The following SCN2A variants were observed in gnomAD, a reference collection of about 807,000 sequenced individuals.
The protein encoded by SCN2A is sodium channel protein type 2 subunit alpha.
A neutral mutation model predicts 188.7 loss-of-function variants in SCN2A; 20 were observed. The ratio of observed to expected loss-of-function variants is 0.11; its 90% CI spans 0.07 to 0.15. The LOEUF is 0.15. Ranked by LOEUF, SCN2A falls within the 10% of genes least tolerant of loss-of-function variation. The probability of loss-of-function intolerance (pLI) is 1.00; values close to 1 mark genes in which losing one functional copy is unlikely to be tolerated. For synonymous variants in SCN2A, 804 were observed against 833.1 expected (o/e 0.97, Z 0.60); for missense variants, 1,278 against 2,445.0 (o/e 0.52, Z 10.07).
At chr2:165,269,085 T>C (rs1694997411) in intron 1 of SCN2A, 1 of 152,004 alleles carries the variant, frequency 6.6e-6, no homozygotes, top group South Asian at 2.1e-4. Flanking sequence ...TATTGTACTA[T>C]GTAATGACTG....
At chr2:165,252,931 C>G (rs919606685) in intron 1 of SCN2A, among the ~76,000 whole-genome samples, 1 of 151,908 alleles carries the variant, frequency 6.6e-6, no homozygotes, top group Admixed American at 6.6e-5. Context: ...AAAATCTTAA[C>G]CAAAATTTGG....
intron 16 of SCN2A, among the ~76,000 whole-genome samples, chr2:165,351,185 C>A (rs1673674824): frequency 6.6e-6 from 1 of 152,118 alleles, no homozygotes. Flanking sequence ...TCCTCTATGT[C>A]AAGTAATCTA....
rs773202451 is a variant in SCN2A, at chr2:165,367,226, G to A, written c.3530G>A (p.Arg1177Gln). The A allele has an allele frequency of 7.4e-6, 12 of 1,613,822 alleles. No individual in the cohort carries two copies. Among genetic ancestry groups the A allele is most frequent in the Admixed American group, 1.7e-5 (1 of 59,992 alleles). Residue 1177 changes from arginine to glutamine, a missense_variant, in exon 19 of 27, where the codon CGG (arginine) becomes CAG (glutamine). Physicochemically the swap from Arg to Gln is conservative, Grantham distance 43 (BLOSUM62 1). Coordinates refer to ENST00000375437, the MANE Select transcript of SCN2A (RefSeq NM_001040142.2). ...TTCCCACATATTTTAGACTGTGTAC[G>A]GAAGTTCAAGTGTTGTCAGATAAGC... is the stretch of plus-strand genomic sequence containing the variant. The part of the protein sequence containing the change: ...PEACFTEDCV[R>Q]KFKCCQISIE...
intron 10 of SCN2A, among the ~76,000 whole-genome samples, 188 bp downstream of exon 10, chr2:165,314,296 T>G (rs1424189433): frequency 2.0e-5 from 3 of 152,188 alleles, no homozygotes; most frequent in African/African-American, 7.2e-5. Context: ...GTGTCAATAG[T>G]AATGGCATCA....
chr2:165,323,651 C>A, intron 12 of SCN2A, 151 bp downstream of exon 12: 1 of 731,736 alleles, frequency 1.4e-6, no homozygotes, highest in Non-Finnish European at 2.3e-6. Flanking sequence ...TCTTGTGAAA[C>A]TGTTCTATTC....
chr2:165,372,891 A>G lies in SCN2A; in HGVS notation c.3850-334A>G. The stretch of plus-strand genomic sequence containing the variant: ...TTACAGATCTGTAGAGGAAGATCAC[A>G]TTTCTCTCTCTTTTTTTTCTTTACT... On this transcript the variant is annotated intron_variant, in intron 20 of 26. Transcript: ENST00000375437. 7 of 267,204 alleles carry G rather than the reference A, an allele frequency of 2.6e-5. No homozygotes were observed. The South Asian group carries it at 3.1e-4, about 12-fold the overall frequency. 16.6% of individuals were successfully genotyped at this position (267,204 alleles called of 1,614,324 possible).
In SCN2A at chr2:165,323,551, A is replaced by G. The variant is rs138948205; in HGVS notation, c.2016+51A>G. On this transcript the variant is annotated intron_variant, in intron 12 of 26. Coordinates refer to ENST00000375437, the MANE Select transcript of SCN2A (RefSeq NM_001040142.2). ...ATGTGAAGAGAGTTGTGACTGGTGC[A>G]GGCAGGAGTGTTTTTCCATTTCCAC... 3.3e-6 allele frequency: 5 copies of G among 1,500,424 alleles called. No homozygotes were observed. In the Admixed American group the frequency reaches 7.6e-5, roughly 23 times the overall value. The allele number at this position is 1,500,424 out of a possible 1,614,324, so 92.9% of individuals were successfully genotyped here.
chr2:165,354,585 G>A lies in SCN2A; in HGVS notation c.3313G>A (p.Val1105Ile). The A allele has an allele frequency of 6.2e-7, 1 of 1,614,026 alleles. No individual in the cohort carries two copies. The highest frequency in any genetic ancestry group is 1.1e-5 in the South Asian group (1 of 91,074). Residue 1105 changes from valine (V) to isoleucine (I), a missense_variant, in exon 17 of 27, where the codon GTA becomes ATA. Val to Ile is a conservative substitution (Grantham distance 29). Around this residue, in one of 17 missense-constraint regions of SCN2A, gnomAD observed 228 missense variants for 297.3 expected, o/e 0.77. Transcript: ENST00000375437. ...AAACAACCCTAGCCTCACTGTGACA[G>A]TACCAATTGCTGTTGGAGAATCTGA... Reference protein sequence around the residue: ...FINNPSLTVTVPIAVGESDFE... With the variant: ...FINNPSLTVTIPIAVGESDFE...
At chr2:165,309,803 A>G (rs535961073) in intron 6 of SCN2A, among the ~76,000 whole-genome samples, 1 of 152,286 alleles carries the variant, frequency 6.6e-6, no homozygotes, top group Non-Finnish European at 1.5e-5. Flanking sequence ...TAAGCTGCAG[A>G]TAAATGAAAG....
At chr2:165,323,558 AGT>A (rs1401285480) in intron 12 of SCN2A, 58 bp downstream of exon 12, 3 of 1,478,198 alleles carry the variant, frequency 2.0e-6, no homozygotes, top group Non-Finnish European at 2.8e-6. Flanking sequence ...TGCAGGCAGG[AGT>A]GTTTTTCCAT....
At chr2:165,388,284 A>G (rs1701975870) in intron 26 of SCN2A, among the ~76,000 whole-genome samples, 1 of 152,160 alleles carries the variant, frequency 6.6e-6, no homozygotes, top group South Asian at 2.1e-4. Flanking sequence ...GTTCTTATGC[A>G]AATACTAGAA....
intron 14 of SCN2A, among the ~76,000 whole-genome samples, chr2:165,336,424 A>G (rs1327740417): frequency 6.6e-6 from 1 of 152,012 alleles, no homozygotes; most frequent in Non-Finnish European, 1.5e-5. Context: ...GTATTGCTAC[A>G]ATCTACAACA....
At chr2:165,333,656 A>T (rs1019499250) in intron 14 of SCN2A, among the ~76,000 whole-genome samples, 8 of 151,874 alleles carry the variant, frequency 5.3e-5, no homozygotes, top group Non-Finnish European at 8.8e-5. Context: ...AACAATATTT[A>T]AAGACAAATT....
At chr2:165,329,965 A>G (rs1698588813) in intron 13 of SCN2A, among the ~76,000 whole-genome samples, 1 of 152,172 alleles carries the variant, frequency 6.6e-6, no homozygotes, top group South Asian at 2.1e-4. Flanking sequence ...TTTAGTGGAA[A>G]TTTTAAAAAC....
chr2:165,349,176 T>C lies in SCN2A; in HGVS notation c.2919+4265T>C, dbSNP rs1699758665. 2.6e-5 allele frequency among the ~76,000 whole-genome samples: 4 copies of C among 152,226 alleles called. No individual in the cohort carries two copies. In the South Asian group the frequency reaches 8.3e-4, roughly 32 times the overall value. ...TTTCTCTGTATGTATATTTGGTATA[T>C]GTTGGAAGAAGAAAAGAAAACGCAG... On this transcript the variant is annotated intron_variant, in intron 16 of 26. Transcript: ENST00000375437.
intron 15 of SCN2A, among the ~76,000 whole-genome samples, chr2:165,343,213 C>G (rs1288881087): frequency 6.6e-6 from 1 of 152,092 alleles, no homozygotes; most frequent in East Asian, 1.9e-4. Flanking sequence ...AGGACACGTT[C>G]CTATAGATGA....
intron 17 of SCN2A, among the ~76,000 whole-genome samples, chr2:165,360,356 G>A (rs1417452219): frequency 6.6e-6 from 1 of 151,864 alleles, no homozygotes; most frequent in African/African-American, 2.4e-5. Context: ...TATTATTAAA[G>A]CAGAAAGCAT....
At chr2:165,319,597 T>C (rs964547371) in intron 11 of SCN2A, among the ~76,000 whole-genome samples, 1 of 152,184 alleles carries the variant, frequency 6.6e-6, no homozygotes, top group South Asian at 2.1e-4. Flanking sequence ...TACAGTTCCA[T>C]GTGGCTGGCA....
At chr2:165,360,621 G>T (rs1700412369) in intron 17 of SCN2A, among the ~76,000 whole-genome samples, 1 of 151,688 alleles carries the variant, frequency 6.6e-6, no homozygotes, top group Non-Finnish European at 1.5e-5. Flanking sequence ...TATAAAATTG[G>T]CTATTCCTAT....
Sources: gnomAD v4.1 joint callset for allele counts (sites outside exome capture counted in the v4.1 genomes callset) on GRCh38, gnomAD v4.1.1 for gene constraint, gnomAD v4.1.1 regional missense constraint, MANE v1.5 for transcripts, NCBI Gene and HGNC (gene_info 2026-07-23, HGNC 2026-07-21) for gene names.